Variants in STXBP5L observed in about 807,000 individuals in gnomAD.
The protein encoded by STXBP5L is syntaxin binding protein 5L, also known as syntaxin-binding protein 5-like.
A neutral mutation model predicts 144.5 loss-of-function variants in STXBP5L; 65 were observed. The observed-to-expected ratio is 0.45, with a 90% confidence interval of 0.37 to 0.55. The LOEUF (loss-of-function observed/expected upper bound fraction) is 0.55. Ranked by LOEUF, STXBP5L falls within the 20% of genes least tolerant of loss-of-function variation. STXBP5L has a pLI of 0.00. For missense variants in STXBP5L, 1,298 were observed against 1,405.5 expected, an observed-to-expected ratio of 0.92 and a Z score of 1.22; for synonymous variants, 505 against 469.6, an observed-to-expected ratio of 1.08 and a Z score of -0.97.
At chr3:121,029,744 A>T (rs1409394939) in intron 3 of STXBP5L, among the ~76,000 whole-genome samples, 2 of 152,174 alleles carry the variant, frequency 1.3e-5, no homozygotes, top group South Asian at 4.1e-4. Context: ...GTGAACAGGT[A>T]AGCTACAGAA....
intron 9 of STXBP5L, among the ~76,000 whole-genome samples, chr3:121,198,485 T>C (rs1384846947): frequency 6.6e-6 from 1 of 152,244 alleles, no homozygotes; most frequent in Non-Finnish European, 1.5e-5. Context: ...CTCATAAGTT[T>C]GATTAGATCC....
chr3:121,261,684 CA>C (rs1340437846), intron 18 of STXBP5L, among the ~76,000 whole-genome samples: 2 of 151,804 alleles, frequency 1.3e-5, no homozygotes, highest in East Asian at 3.9e-4. Context: ...GTCAGGAATG[CA>C]AAAAACAAAA....
At chr3:121,164,078 C>G (rs1276255273) in intron 9 of STXBP5L, among the ~76,000 whole-genome samples, 1 of 152,066 alleles carries the variant, frequency 6.6e-6, no homozygotes, top group Non-Finnish European at 1.5e-5. Flanking sequence ...ATCACTCCCC[C>G]CAAAAACCCC....
chr3:120,979,519 C>T (rs781692756), intron 3 of STXBP5L, among the ~76,000 whole-genome samples: 49 of 151,554 alleles, frequency 3.2e-4, no homozygotes, highest in African/African-American at 9.8e-4. Context: ...CAATGCCTCA[C>T]CCTGCTTTGG....
intron 3 of STXBP5L, among the ~76,000 whole-genome samples, chr3:120,958,813 A>T (rs2107721769): frequency 6.6e-6 from 1 of 152,318 alleles, no homozygotes; most frequent in East Asian, 1.9e-4. Context: ...GAATGGGCAA[A>T]AACTGGAAGC....
At chr3:120,926,937 CTTTT>C (rs59336376) in intron 2 of STXBP5L, among the ~76,000 whole-genome samples, 7 of 134,076 alleles carry the variant, frequency 5.2e-5, no homozygotes, top group Admixed American at 7.5e-5. Context: ...TCTTTCCTTT[CTTTT>C]TTTTTTTTTT....
chr3:121,420,786 GT>G lies in STXBP5L; in HGVS notation c.*1690del, dbSNP rs2047338722. On this transcript the variant is annotated 3_prime_UTR_variant, in exon 27 of 27. Coordinates refer to ENST00000471454, the MANE Select transcript of STXBP5L (RefSeq NM_001308330.2). ...AGGTTATTTTATTAGCCAAAAAATC[GT>G]ATTTTTATTTCCTTTTTAGTCTAAT... 2.0e-5 allele frequency: 3 copies of G among 151,946 alleles called. No individual in the cohort carries two copies. The highest frequency in any genetic ancestry group is 4.4e-5 in the Non-Finnish European group (3 of 67,966). The allele number at this position is 151,946 out of a possible 1,614,324, so 9.4% of individuals were successfully genotyped here. A position where few individuals can be genotyped will look rare whatever the true frequency, so the allele number is the denominator to read the frequency against.
intron 9 of STXBP5L, among the ~76,000 whole-genome samples, chr3:121,203,098 ATC>A (rs1218628452): frequency 6.6e-6 from 1 of 150,628 alleles, no homozygotes; most frequent in Non-Finnish European, 1.5e-5. Context: ...TATTGCAATA[ATC>A]TCTGTGTTCT....
At chr3:120,966,635 A>T (rs1939613650) in intron 3 of STXBP5L, among the ~76,000 whole-genome samples, 1 of 152,150 alleles carries the variant, frequency 6.6e-6, no homozygotes, top group South Asian at 2.1e-4. Flanking sequence ...CAAATATTGC[A>T]GAACAGCAAA....
intron 5 of STXBP5L, among the ~76,000 whole-genome samples, chr3:121,052,318 C>T (rs1260470678): frequency 6.6e-6 from 1 of 152,134 alleles, no homozygotes; most frequent in Admixed American, 6.6e-5. Context: ...ACCAATATCC[C>T]TGATGAACAT....
chr3:121,213,419 G>C (rs544619697), intron 10 of STXBP5L, among the ~76,000 whole-genome samples: 2 of 152,220 alleles, frequency 1.3e-5, no homozygotes, highest in South Asian at 4.1e-4. Flanking sequence ...TAGCATGAAG[G>C]GGTGTTGAAT....
In STXBP5L at chr3:121,026,057, A is replaced by C. The variant is rs535058576; in HGVS notation, c.288-15643A>C. ...AGTTATATATAATTATAATTAAATTATATTATAATTAAATTATATTTAATT... is the reference window on the plus strand; with the variant it reads ...AGTTATATATAATTATAATTAAATTCTATTATAATTAAATTATATTTAATT... On this transcript the variant is annotated intron_variant, in intron 3 of 26. Coordinates refer to ENST00000471454, the MANE Select transcript of STXBP5L (RefSeq NM_001308330.2). Among the ~76,000 whole-genome samples, 12 of 147,660 alleles carry C rather than the reference A, an allele frequency of 8.1e-5. No individual in the cohort carries two copies. The South Asian group carries it at 2.3e-3, about 28-fold the overall frequency.
rs371932879 is a variant in STXBP5L at position 120,987,920 on chromosome 3, A to G, written c.287+32883A>G. ...TTGGTAGAATTCTCTGGTGAAACCAACTGGGTCTGGAGATAATTTCATGAG... is the reference window on the plus strand; with the variant it reads ...TTGGTAGAATTCTCTGGTGAAACCAGCTGGGTCTGGAGATAATTTCATGAG... On this transcript the variant is annotated intron_variant, in intron 3 of 26. Transcript: ENST00000471454. 1.1e-3 allele frequency among the ~76,000 whole-genome samples: 172 copies of G among 152,014 alleles called. 4 individuals are homozygous for G. The South Asian group carries it at 0.033, about 29-fold the overall frequency.
chr3:121,034,490 T>C (rs2107522771), intron 3 of STXBP5L, among the ~76,000 whole-genome samples: 1 of 152,248 alleles, frequency 6.6e-6, no homozygotes, highest in South Asian at 2.1e-4. Context: ...TAGTATTCCA[T>C]TATATATCTC....
intron 5 of STXBP5L, among the ~76,000 whole-genome samples, chr3:121,045,921 G>A (rs914848280): frequency 1.3e-5 from 2 of 152,174 alleles, no homozygotes; most frequent in Admixed American, 1.3e-4. Context: ...AATGGTGAGA[G>A]ATGGCATCCT....
intron 20 of STXBP5L, chr3:121,324,508 CCCCTGAGTCAG>C (rs1468153797): frequency 4.3e-6 from 3 of 697,730 alleles, no homozygotes; most frequent in Admixed American, 2.1e-5. Context: ...GCTACCAGAA[CCCCTGAGTCAG>C]CACTAGGCTT....
intron 10 of STXBP5L, among the ~76,000 whole-genome samples, chr3:121,209,037 T>A (rs554379837): frequency 3.3e-5 from 5 of 152,110 alleles, no homozygotes; most frequent in African/African-American, 1.2e-4. Context: ...TCTGTTCCGG[T>A]GTTAGTTTGC....
intron 5 of STXBP5L, among the ~76,000 whole-genome samples, chr3:121,050,723 C>A (rs1947905453): frequency 2.6e-5 from 4 of 152,294 alleles, no homozygotes; most frequent in Admixed American, 2.6e-4. Context: ...GGACCAAATA[C>A]ACACATAACA....
At chr3:121,139,551 A>G (rs779058467) in intron 7 of STXBP5L, among the ~76,000 whole-genome samples, 16 of 152,074 alleles carry the variant, frequency 1.1e-4, no homozygotes, top group Non-Finnish European at 2.2e-4. Flanking sequence ...GCTCTTAACA[A>G]TCACACTATA....
Sources: gnomAD v4.1 joint callset for allele counts (sites outside exome capture counted in the v4.1 genomes callset) on GRCh38, gnomAD v4.1.1 for gene constraint, MANE v1.5 for transcripts, NCBI Gene and HGNC (gene_info 2026-07-23, HGNC 2026-07-21) for gene names.